RBFOX3: variants seen among roughly 807,000 people sequenced by gnomAD.
The protein encoded by RBFOX3 is RNA binding protein fox-1 homolog 3.
A neutral mutation model predicts 48.7 loss-of-function variants in RBFOX3; 17 were observed. The observed-to-expected ratio is 0.35, with a 90% CI of 0.24 to 0.52. The LOEUF is 0.52. Among genes scored for constraint, RBFOX3 ranks in the 20% least tolerant of loss-of-function variants. RBFOX3 has a pLI of 0.94. For missense variants in RBFOX3, 382 were observed against 497.5 expected (o/e 0.77, Z 2.21); for synonymous variants, 212 against 209.5 (o/e 1.01, Z -0.10).
intron 2 of RBFOX3, among the ~76,000 whole-genome samples, chr17:79,321,234 C>T (rs1053270922): frequency 6.6e-6 from 1 of 152,266 alleles, no homozygotes; most frequent in African/African-American, 2.4e-5. Flanking sequence ...CATTTCCCTT[C>T]TACAACGTAC....
chr17:79,400,832 C>A (rs1003127371), intron 2 of RBFOX3, among the ~76,000 whole-genome samples: 3 of 152,280 alleles, frequency 2.0e-5, no homozygotes, highest in Admixed American at 2.0e-4. Flanking sequence ...CAGGCCACCT[C>A]CGAAGCCAAA....
chr17:79,613,245 A>T (rs1395608541), upstream of RBFOX3, among the ~76,000 whole-genome samples: 1 of 152,238 alleles, frequency 6.6e-6, no homozygotes, highest in Non-Finnish European at 1.5e-5. Context: ...GGGCCTGCTC[A>T]GACGCCCGGG....
chr17:79,230,486 G>C (rs78172106), intron 4 of RBFOX3, among the ~76,000 whole-genome samples: 41,511 of 150,780 alleles, frequency 0.28, 5,913 homozygotes, highest in Middle Eastern at 0.36. Context: ...GTCTCGATCT[G>C]CTGACCTCGT....
intron 1 of RBFOX3, among the ~76,000 whole-genome samples, chr17:79,548,285 G>T (rs2090735533): frequency 6.6e-6 from 1 of 152,168 alleles, no homozygotes; most frequent in Admixed American, 6.5e-5. Context: ...GAGCACTGGG[G>T]TCTCGGGCCT....
intron 3 of RBFOX3, among the ~76,000 whole-genome samples, chr17:79,300,910 C>T (rs1389464178): frequency 2.0e-5 from 3 of 152,114 alleles, no homozygotes; most frequent in Non-Finnish European, 4.4e-5. Context: ...CCTTAGGTGG[C>T]CACAAAGCTT....
At chr17:79,496,587 G>T (rs2081574421) in intron 1 of RBFOX3, among the ~76,000 whole-genome samples, 1 of 152,234 alleles carries the variant, frequency 6.6e-6, no homozygotes, top group Non-Finnish European at 1.5e-5. Flanking sequence ...CCCTGGCGGG[G>T]CTTGGCTTCC....
At chr17:79,513,358 A>T (rs1048395928) in intron 1 of RBFOX3, among the ~76,000 whole-genome samples, 4 of 152,318 alleles carry the variant, frequency 2.6e-5, no homozygotes, top group African/African-American at 9.6e-5. Context: ...CCCCACGGCC[A>T]GGTGGCCCAC....
At chr17:79,091,046 G>T (rs1021864005) in intron 14 of RBFOX3, among the ~76,000 whole-genome samples, 161 bp from the exon 15 acceptor site, 1 of 152,184 alleles carries the variant, frequency 6.6e-6, no homozygotes, top group Non-Finnish European at 1.5e-5. Flanking sequence ...AGGGCTGAGT[G>T]TGGGTGGATC....
intron 1 of RBFOX3, among the ~76,000 whole-genome samples, chr17:79,595,134 C>G (rs1221172198): frequency 6.6e-6 from 1 of 152,054 alleles, no homozygotes; most frequent in African/African-American, 2.4e-5. Context: ...CCACCCCCGC[C>G]TGGAGAGCCA....
intron 1 of RBFOX3, among the ~76,000 whole-genome samples, chr17:79,604,200 AAACT>A (rs1182042922): frequency 6.6e-5 from 10 of 152,194 alleles, no homozygotes; most frequent in African/African-American, 1.7e-4. Flanking sequence ...ATGAATAAGG[AAACT>A]AACTGAGTGA....
At chr17:79,505,535 C>G (rs1350148087) in intron 1 of RBFOX3, among the ~76,000 whole-genome samples, 4 of 152,324 alleles carry the variant, frequency 2.6e-5, no homozygotes, top group African/African-American at 9.6e-5. Flanking sequence ...TTCACCTCCC[C>G]CAGTGCTTGC....
chr17:79,093,429 G>A (rs1417353813), intron 14 of RBFOX3, among the ~76,000 whole-genome samples: 4 of 152,106 alleles, frequency 2.6e-5, no homozygotes, highest in Non-Finnish European at 4.4e-5. Flanking sequence ...GCAGCTGCAC[G>A]GAGGGCCCAA....
intron 2 of RBFOX3, among the ~76,000 whole-genome samples, chr17:79,340,519 C>G (rs961953470): frequency 3.3e-5 from 5 of 152,116 alleles, no homozygotes; most frequent in Admixed American, 1.3e-4. Flanking sequence ...CTCCACACCT[C>G]CCCAGCTGCA....
intron 1 of RBFOX3, among the ~76,000 whole-genome samples, chr17:79,525,409 C>T (rs1272715994): frequency 6.6e-6 from 1 of 152,216 alleles, no homozygotes; most frequent in Non-Finnish European, 1.5e-5. Context: ...CTCTTGTACT[C>T]ATTACATGGA....
rs1009657889 is a variant in RBFOX3 at position 79,220,201 on chromosome 17, C to T, written c.-34+15565G>A. 6.6e-6 allele frequency among the ~76,000 whole-genome samples: 1 copy of T among 152,166 alleles called. No homozygotes were observed. On this transcript the variant is annotated intron_variant, in intron 4 of 14. Transcript: ENST00000693108. The surrounding 1 kb of genome is among the most constrained non-coding windows in gnomAD (Gnocchi z 5.9). ...CATACCCAAAAATACATCATCATTTCGGAACCGCGGCTCCACAGCAGGCTC... is the reference window on the plus strand; with the variant it reads ...CATACCCAAAAATACATCATCATTTTGGAACCGCGGCTCCACAGCAGGCTC...
chr17:79,477,260 A>T lies in RBFOX3; in HGVS notation c.-175+5194T>A, dbSNP rs1312125326. 2.8e-5 allele frequency among the ~76,000 whole-genome samples: 4 copies of T among 141,894 alleles called. No individual in the cohort carries two copies. The Admixed American group carries it at 2.8e-4, about 10-fold the overall frequency. The allele number at this position is 141,894 out of a possible 152,430, so 93.1% of individuals were successfully genotyped here. The stretch of plus-strand genomic sequence containing the variant: ...AAAAAAATAAATAAAGATAAATTAA[A>T]AAAAAAAAAAAAAAAAGAGGGCGCG... On this transcript the variant is annotated intron_variant, in intron 2 of 14. Coordinates refer to ENST00000693108, the MANE Select transcript of RBFOX3 (RefSeq NM_001350451.2). The surrounding 1 kb of genome is among the most constrained non-coding windows in gnomAD (Gnocchi z 4.8).
rs1293161388 is a variant in RBFOX3 at position 79,363,832 on chromosome 17, C to T, written c.-174-56008G>A. ...GCACCCCTGCCCCACTCAGAACTCT[C>T]TGGGGCTGTCCACTGCACTGGGATA... On this transcript the variant is annotated intron_variant, in intron 2 of 14. Transcript: ENST00000693108. This position sits in a 1 kb window ranked among gnomAD's most constrained non-coding sequence, Gnocchi z 4.7. Among the ~76,000 whole-genome samples the T allele has an allele frequency of 2.6e-5, 4 of 152,160 alleles. No individual in the cohort carries two copies. Among genetic ancestry groups the T allele is most frequent in the African/African-American group, 9.7e-5 (4 of 41,426 alleles).
At chr17:79,154,695 A>T (rs2045375471) in intron 4 of RBFOX3, among the ~76,000 whole-genome samples, 1 of 152,208 alleles carries the variant, frequency 6.6e-6, no homozygotes, top group Non-Finnish European at 1.5e-5. Flanking sequence ...GGTTCAGATC[A>T]GCCGCACCAA....
chr17:79,103,285 C>G lies in RBFOX3; in HGVS notation c.415-31G>C. 1.4e-6 allele frequency: 2 copies of G among 1,463,786 alleles called. No individual in the cohort carries two copies. Among genetic ancestry groups the G allele is most frequent in the South Asian group, 1.2e-5 (1 of 82,232 alleles). The allele number at this position is 1,463,786 out of a possible 1,614,324, so 90.7% of individuals were successfully genotyped here. A position where few individuals can be genotyped will look rare whatever the true frequency, so the allele number is the denominator to read the frequency against. On this transcript the variant is annotated intron_variant, in intron 7 of 14. Transcript: ENST00000693108. The surrounding 1 kb of genome is among the most constrained non-coding windows in gnomAD (Gnocchi z 6.1). ...AGCAGAGGAGAGGGAAGGACAGGCA[C>G]GGAGAGGAGGACACAGGGCGAGAAA... is the stretch of plus-strand genomic sequence containing the variant.
Sources: allele counts gnomAD v4.1 joint callset (sites outside exome capture counted in the v4.1 genomes callset), GRCh38; gene constraint gnomAD v4.1.1; non-coding constraint Gnocchi (gnomAD v3.1); transcripts MANE v1.5; gene names NCBI Gene and HGNC (gene_info 2026-07-23, HGNC 2026-07-21).